FOXP1: variants seen among roughly 807,000 people sequenced by gnomAD.
FOXP1 encodes the protein forkhead box P1.
In FOXP1, 15 loss-of-function variants were observed where a neutral mutation model predicts 98.2. That is an observed-to-expected ratio of 0.15 (90% confidence interval 0.10 to 0.24). FOXP1 has a LOEUF of 0.24. Ranked by LOEUF, FOXP1 falls within the 10% of genes least tolerant of loss-of-function variation. The pLI is 1.00. For synonymous variants in FOXP1, 371 were observed against 314.5 expected (o/e 1.18, Z -1.90); for missense variants, 633 against 848.5 (o/e 0.75, Z 3.15).
At chr3:71,380,531 T>G (rs2080065662) in intron 3 of FOXP1, among the ~76,000 whole-genome samples, 1 of 152,244 alleles carries the variant, frequency 6.6e-6, no homozygotes, top group Non-Finnish European at 1.5e-5. Flanking sequence ...TTCACTCTGA[T>G]GGAAATGTTG....
chr3:71,204,718 G>A (rs2063907746), intron 5 of FOXP1, among the ~76,000 whole-genome samples: 1 of 148,678 alleles, frequency 6.7e-6, no homozygotes, highest in Admixed American at 6.9e-5. Context: ...TAGAGTTACT[G>A]TCTACAAATG....
intron 7 of FOXP1, among the ~76,000 whole-genome samples, chr3:71,057,889 T>G (rs1208234224): frequency 1.3e-5 from 2 of 152,144 alleles, no homozygotes; most frequent in African/African-American, 2.4e-5. Context: ...TACCAGCAAC[T>G]GGGAAAACGG....
chr3:70,960,364 G>A (rs1281243902), intron 20 of FOXP1, among the ~76,000 whole-genome samples: 1 of 152,148 alleles, frequency 6.6e-6, no homozygotes, highest in Non-Finnish European at 1.5e-5. Context: ...ACTGGGATGA[G>A]CGTGGTTGCG....
chr3:71,544,083 G>A (rs1250758713), intron 2 of FOXP1, among the ~76,000 whole-genome samples: 2 of 151,570 alleles, frequency 1.3e-5, no homozygotes, highest in Non-Finnish European at 2.9e-5. Context: ...ATATATGTGT[G>A]TATTTCTATT....
At chr3:71,308,590 T>C (rs1454288858) in intron 4 of FOXP1, among the ~76,000 whole-genome samples, 1 of 152,166 alleles carries the variant, frequency 6.6e-6, no homozygotes, top group Non-Finnish European at 1.5e-5. Context: ...CATCAGGGAC[T>C]GCAGGTTCCA....
At chr3:71,481,770 A>T (rs532803462) in intron 3 of FOXP1, among the ~76,000 whole-genome samples, 36 of 151,692 alleles carry the variant, frequency 2.4e-4, no homozygotes, top group African/African-American at 8.7e-4. Context: ...AGAAACACCC[A>T]TTTCATTTCT....
At chr3:71,263,892 A>G (rs1411657812) in intron 5 of FOXP1, among the ~76,000 whole-genome samples, 1 of 151,372 alleles carries the variant, frequency 6.6e-6, no homozygotes, top group Non-Finnish European at 1.5e-5. Context: ...CTACAGGCAC[A>G]TGCCACGACT....
chr3:70,995,719 T>C (rs756155972), intron 13 of FOXP1, among the ~76,000 whole-genome samples: 5 of 152,318 alleles, frequency 3.3e-5, no homozygotes, highest in Middle Eastern at 6.8e-3. Flanking sequence ...TAGGAAATGT[T>C]TGAAAAGGCT....
Position 71,201,641 on chromosome 3 carries a change from G to C in FOXP1, c.-11-3249C>G, listed in dbSNP as rs1012032326. Among the ~76,000 whole-genome samples, 11 of 151,992 alleles carry C rather than the reference G, an allele frequency of 7.2e-5. No individual in the cohort carries two copies. In the South Asian group the frequency reaches 2.3e-3, roughly 32 times the overall value. ...GGCTCTGTCTCGAAAAAAGGGGGCGGGGAGAGGGAAAAAAAAAAGAATTAT... is the reference window on the plus strand; with the variant it reads ...GGCTCTGTCTCGAAAAAAGGGGGCGCGGAGAGGGAAAAAAAAAAGAATTAT... On this transcript the variant is annotated intron_variant, in intron 5 of 20. Coordinates refer to ENST00000649528, the MANE Select transcript of FOXP1 (RefSeq NM_001349338.3).
chr3:71,322,429 G>C (rs900017326), intron 4 of FOXP1, among the ~76,000 whole-genome samples: 2 of 152,160 alleles, frequency 1.3e-5, no homozygotes, highest in Non-Finnish European at 2.9e-5. Context: ...AAGTTCTATG[G>C]GACAGCTCAG....
intron 2 of FOXP1, among the ~76,000 whole-genome samples, chr3:71,502,018 G>A (rs111918252): frequency 4.6e-5 from 7 of 152,310 alleles, no homozygotes; most frequent in Non-Finnish European, 7.3e-5. Flanking sequence ...GAGGCGTGAC[G>A]CTCATCAGGA....
intron 4 of FOXP1, among the ~76,000 whole-genome samples, chr3:71,312,330 A>G (rs371590213): frequency 6.6e-6 from 1 of 152,218 alleles, no homozygotes; most frequent in Admixed American, 6.5e-5. Context: ...TTTCTATCAT[A>G]TAAGGCAGCA....
chr3:71,254,818 A>T (rs1337596555), intron 5 of FOXP1, among the ~76,000 whole-genome samples: 3 of 152,154 alleles, frequency 2.0e-5, no homozygotes, highest in African/African-American at 7.2e-5. Flanking sequence ...CCACATTCAT[A>T]TCTCTACTAT....
chr3:71,432,558 C>G (rs1323707577), intron 3 of FOXP1, among the ~76,000 whole-genome samples: 1 of 152,146 alleles, frequency 6.6e-6, no homozygotes, highest in Non-Finnish European at 1.5e-5. Context: ...GGCTACGCCC[C>G]ACCTAACATA....
At chr3:71,536,865 T>C (rs577260455) in intron 2 of FOXP1, among the ~76,000 whole-genome samples, 1 of 152,084 alleles carries the variant, frequency 6.6e-6, no homozygotes, top group East Asian at 1.9e-4. Flanking sequence ...ACCCTCTATA[T>C]AGTGTCCCAT....
At chr3:71,513,623 A>G (rs1207242560) in intron 2 of FOXP1, among the ~76,000 whole-genome samples, 1 of 152,230 alleles carries the variant, frequency 6.6e-6, no homozygotes, top group Non-Finnish European at 1.5e-5. Flanking sequence ...AAAGTTGATT[A>G]TACAAAATGG....
chr3:71,563,098 T>C (rs755626830), intron 2 of FOXP1, among the ~76,000 whole-genome samples: 14 of 150,992 alleles, frequency 9.3e-5, no homozygotes, highest in Non-Finnish European at 1.6e-4. Context: ...TGCAGAGGGG[T>C]GTGTGTATGT....
At chr3:71,226,349 T>C (rs1366143190) in intron 5 of FOXP1, among the ~76,000 whole-genome samples, 1 of 152,200 alleles carries the variant, frequency 6.6e-6, no homozygotes, top group Non-Finnish European at 1.5e-5. Flanking sequence ...GTTCTAAGCC[T>C]AGATGGATGA....
At chr3:71,420,998 T>TA (rs2083600073) in intron 3 of FOXP1, among the ~76,000 whole-genome samples, 1 of 152,152 alleles carries the variant, frequency 6.6e-6, no homozygotes, top group Non-Finnish European at 1.5e-5. Flanking sequence ...CAAGTTTTTT[T>TA]ACATTCCTCT....
Sources: gnomAD v4.1 joint callset for allele counts (sites outside exome capture counted in the v4.1 genomes callset) on GRCh38, gnomAD v4.1.1 for gene constraint, MANE v1.5 for transcripts, NCBI Gene and HGNC (gene_info 2026-07-23, HGNC 2026-07-21) for gene names.